Variants in ZNF385B observed in about 807,000 individuals in gnomAD.
ZNF385B encodes zinc finger protein 533.
In ZNF385B, 23 loss-of-function variants were observed where a neutral mutation model predicts 39.2. The ratio of observed to expected loss-of-function variants is 0.59; its 90% CI spans 0.42 to 0.83. The LOEUF (loss-of-function observed/expected upper bound fraction) is 0.83, where lower values mean the gene tolerates loss of function less well. ZNF385B is among the 40% of genes least tolerant of loss of function. The pLI is 0.00. For missense variants in ZNF385B, 552 were observed against 598.9 expected, an observed-to-expected ratio of 0.92 and a Z score of 0.82; for synonymous variants, 205 against 222.6, an observed-to-expected ratio of 0.92 and a Z score of 0.70.
At position 179,724,462 on chromosome 2, in the gene ZNF385B, T is replaced by C. The variant is rs966069401; in HGVS notation, c.298+45041A>G. Among the ~76,000 whole-genome samples the C allele has an allele frequency of 7.2e-5, 11 of 152,206 alleles. No homozygotes were observed. In the South Asian group the frequency reaches 8.3e-4, roughly 11 times the overall value. ...TTGGTTCTCAAAAATATTTTAGTTA[T>C]GTAAATTCTTCCAAAGACATGCCAA... On this transcript the variant is annotated intron_variant, in intron 3 of 9. Transcript: ENST00000410066.
At chr2:179,680,610 GATT>G (rs1432730118) in intron 3 of ZNF385B, among the ~76,000 whole-genome samples, 2 of 152,052 alleles carry the variant, frequency 1.3e-5, no homozygotes, top group African/African-American at 2.4e-5. Context: ...AAACGATTAG[GATT>G]TATAAACTGT....
rs559214909 is a variant in ZNF385B at position 179,792,128 on chromosome 2, A to G, written c.-154-21456T>C. On this transcript the variant is annotated intron_variant, in intron 1 of 9. Coordinates refer to ENST00000410066, the MANE Select transcript of ZNF385B (RefSeq NM_152520.6). ...GATTACTGGACTTTTGGCACCCCCT[A>G]AAGTGTTCACTCAAGACAAGTGCCT... Among the ~76,000 whole-genome samples the G allele has an allele frequency of 9.2e-5, 14 of 152,196 alleles. 2 individuals are homozygous for G. The South Asian group carries it at 2.7e-3, about 29-fold the overall frequency.
chr2:179,782,246 T>G (rs1397139528), intron 1 of ZNF385B, among the ~76,000 whole-genome samples: 1 of 152,116 alleles, frequency 6.6e-6, no homozygotes, highest in African/African-American at 2.4e-5. Flanking sequence ...CATGATTATC[T>G]CAATAGACAC....
chr2:179,646,962 T>G (rs1333730262), intron 3 of ZNF385B, among the ~76,000 whole-genome samples: 1 of 152,196 alleles, frequency 6.6e-6, no homozygotes, highest in African/African-American at 2.4e-5. Context: ...ATACAAACAT[T>G]ACTTTTTGTT....
At chr2:179,562,197 G>A (rs1255857537) in intron 3 of ZNF385B, among the ~76,000 whole-genome samples, 1 of 152,174 alleles carries the variant, frequency 6.6e-6, no homozygotes, top group Non-Finnish European at 1.5e-5. Flanking sequence ...AAGTGGCTCA[G>A]TAGTACAAAT....
At chr2:179,819,858 T>C (rs896355801) in intron 1 of ZNF385B, among the ~76,000 whole-genome samples, 5 of 152,216 alleles carry the variant, frequency 3.3e-5, no homozygotes, top group Non-Finnish European at 7.3e-5. Flanking sequence ...CACACTGTAG[T>C]ATACGATTGT....
intron 1 of ZNF385B, among the ~76,000 whole-genome samples, chr2:179,775,480 A>T (rs1704260094): frequency 1.3e-5 from 2 of 152,200 alleles, no homozygotes; most frequent in Non-Finnish European, 2.9e-5. Flanking sequence ...AATTGATTTC[A>T]CTAGACAGTT....
chr2:179,631,568 G>A (rs1224028554), intron 3 of ZNF385B, among the ~76,000 whole-genome samples: 3 of 152,132 alleles, frequency 2.0e-5, no homozygotes, highest in African/African-American at 7.2e-5. Flanking sequence ...GCAAAAACAT[G>A]CCAAATTGTA....
chr2:179,446,463 T>G, intron 7 of ZNF385B, 62 bp downstream of exon 7: 1 of 1,553,204 alleles, frequency 6.4e-7, no homozygotes, highest in Non-Finnish European at 8.7e-7. Flanking sequence ...GATATGGTAT[T>G]CTGATGGGAA....
chr2:179,736,338 T>C (rs1205987353), intron 3 of ZNF385B, among the ~76,000 whole-genome samples: 1 of 151,366 alleles, frequency 6.6e-6, no homozygotes, highest in Non-Finnish European at 1.5e-5. Flanking sequence ...ATTTTGCAGA[T>C]TTTTTTTTAG....
At chr2:179,522,337 A>T (rs1367935136) in intron 4 of ZNF385B, among the ~76,000 whole-genome samples, 1 of 152,192 alleles carries the variant, frequency 6.6e-6, no homozygotes, top group Non-Finnish European at 1.5e-5. Context: ...GTTAACTTAA[A>T]TTTTTTCCTT....
At chr2:179,745,071 A>T (rs1402142058) in intron 3 of ZNF385B, among the ~76,000 whole-genome samples, 2 of 152,192 alleles carry the variant, frequency 1.3e-5, no homozygotes, top group Non-Finnish European at 2.9e-5. Context: ...CATTTAAAGC[A>T]TCTCAGCTAA....
At chr2:179,638,045 T>C (rs1691916564) in intron 3 of ZNF385B, among the ~76,000 whole-genome samples, 1 of 152,152 alleles carries the variant, frequency 6.6e-6, no homozygotes, top group Non-Finnish European at 1.5e-5. Flanking sequence ...ACAGATTAAA[T>C]CAACAACGTT....
chr2:179,591,892 C>T (rs557401847), intron 3 of ZNF385B, among the ~76,000 whole-genome samples: 7 of 152,204 alleles, frequency 4.6e-5, no homozygotes, highest in African/African-American at 7.2e-5. Flanking sequence ...GGGATCCTTC[C>T]GCCCCAGTGA....
intron 3 of ZNF385B, among the ~76,000 whole-genome samples, chr2:179,757,356 G>A (rs1362582234): frequency 6.6e-6 from 1 of 152,204 alleles, no homozygotes; most frequent in Non-Finnish European, 1.5e-5. Flanking sequence ...AGCTGTGTGA[G>A]GTGTCAGTCT....
At chr2:179,736,682 T>C (rs1318440297) in intron 3 of ZNF385B, among the ~76,000 whole-genome samples, 1 of 152,178 alleles carries the variant, frequency 6.6e-6, no homozygotes, top group Non-Finnish European at 1.5e-5. Context: ...TAAAACTTTA[T>C]ACCAGGGCCA....
At chr2:179,848,630 T>A (rs981623463) in intron 1 of ZNF385B, among the ~76,000 whole-genome samples, 1 of 152,214 alleles carries the variant, frequency 6.6e-6, no homozygotes, top group African/African-American at 2.4e-5. Flanking sequence ...CGACCCCACA[T>A]CCATTTCCAG....
Position 179,675,460 on chromosome 2 carries a change from T to C in ZNF385B, c.298+94043A>G, listed in dbSNP as rs562915274. Among the ~76,000 whole-genome samples the C allele has an allele frequency of 1.1e-4, 16 of 152,320 alleles. No homozygotes were observed. The East Asian group carries it at 3.1e-3, about 29-fold the overall frequency. ...TCAATAATCGGGTCTTTTGATAAAG[T>C]AGTTTTCGGATAATTGACTCTAATC... On this transcript the variant is annotated intron_variant, in intron 3 of 9. Transcript: ENST00000410066.
chr2:179,807,921 AGAAAGAAAGAAGGAAG>A (rs1270649746), intron 1 of ZNF385B, among the ~76,000 whole-genome samples: 1 of 150,594 alleles, frequency 6.6e-6, no homozygotes, highest in Non-Finnish European at 1.5e-5. Context: ...AAAGAAAGAA[AGAAAGAAAGAAGGAAG>A]GAAGGAAGGA....
Sources: gnomAD v4.1 joint callset for allele counts (sites outside exome capture counted in the v4.1 genomes callset) on GRCh38, gnomAD v4.1.1 for gene constraint, MANE v1.5 for transcripts, NCBI Gene and HGNC (gene_info 2026-07-23, HGNC 2026-07-21) for gene names.